Variants in LMNB2 observed in about 807,000 individuals in gnomAD.
LMNB2 encodes lamin-B2.
LMNB2 carries 17 observed loss-of-function variants against 69.3 expected under a neutral mutation model. That is an observed-to-expected ratio of 0.25 (90% CI 0.17 to 0.37). LMNB2 has a LOEUF of 0.37. Among genes scored for constraint, LMNB2 ranks in the 10% least tolerant of loss-of-function variants. The pLI is 1.00. For missense variants in LMNB2, 789 were observed against 883.6 expected (o/e 0.89, Z 1.36); for synonymous variants, 397 against 389.3 (o/e 1.02, Z -0.23).
In LMNB2 at chr19:2,453,612, C is replaced by T. The variant is rs993610603; in HGVS notation, c.264+3058G>A. On this transcript the variant is annotated intron_variant, in intron 1 of 11. Transcript: ENST00000325327. The surrounding 1 kb of genome is among the most constrained non-coding windows in gnomAD (Gnocchi z 4.4). ...GGCTCACGGAGGGGCCAGTGTGTCA[C>T]CTGCTAAATGGCTGCCTTCACTGGA... Among the ~76,000 whole-genome samples, 8 of 152,296 alleles carry T rather than the reference C, an allele frequency of 5.3e-5. No individual in the cohort carries two copies. The highest frequency in any genetic ancestry group is 2.1e-4 in the South Asian group (1 of 4,824).
intron 11 of LMNB2, 25 bp from the exon 12 acceptor site, chr19:2,430,977 C>T (rs372834607): frequency 1.1e-5 from 18 of 1,584,802 alleles, no homozygotes; most frequent in South Asian, 3.3e-5. Context: ...GAAGGAAGGT[C>T]GGCCATGATC....
chr19:2,447,492 G>A lies in LMNB2; in HGVS notation c.265-2952C>T, dbSNP rs1432721359. Reference sequence around the variant, plus strand: ...TGAACGTTCTAAAATTGGACACATTGGTGGTGGCACAGCTGTGGAGATATG... The same window carrying A: ...TGAACGTTCTAAAATTGGACACATTAGTGGTGGCACAGCTGTGGAGATATG... On this transcript the variant is annotated intron_variant, in intron 1 of 11. Coordinates refer to ENST00000325327, the MANE Select transcript of LMNB2 (RefSeq NM_032737.4). The surrounding 1 kb of genome is among the most constrained non-coding windows in gnomAD (Gnocchi z 4.4). Among the ~76,000 whole-genome samples, 1 of 152,208 alleles carries A rather than the reference G, an allele frequency of 6.6e-6. No individual in the cohort carries two copies. The highest frequency in any genetic ancestry group is 1.5e-5 in the Non-Finnish European group (1 of 68,028).
At chr19:2,431,036 CCACCA>C in intron 11 of LMNB2, 84 bp from the exon 12 acceptor site, 5 of 845,894 alleles carry the variant, frequency 5.9e-6, no homozygotes, top group Non-Finnish European at 8.2e-6. Flanking sequence ...CCCCACCTCC[CCACCA>C]GGGAGGGGCT....
At chr19:2,436,763 T>TCCCGCCACCACAGCCGCGCACCCACC (rs1971830640) in intron 4 of LMNB2, 2 of 149,678 alleles carry the variant, frequency 1.3e-5, no homozygotes, top group Admixed American at 6.8e-5. Flanking sequence ...ACGGCCGCCC[T>TCCCGCCACCACAGCCGCGCACCCACC]TCCGCCCCCA....
chr19:2,436,599 G>A (rs1362917247), intron 4 of LMNB2, among the ~76,000 whole-genome samples: 1 of 123,976 alleles, frequency 8.1e-6, no homozygotes, highest in East Asian at 2.4e-4. Flanking sequence ...CTCCACGGCC[G>A]CTCACCCACC....
In LMNB2 at chr19:2,430,895, G is replaced by A. The variant is rs752023759; in HGVS notation, c.*16C>T. On this transcript the variant is annotated 3_prime_UTR_variant, in exon 12 of 12. Transcript: ENST00000325327. ...GGCTCTGGGTAAAGAAAGGTGTGTG[G>A]ATGAGGAGTGTGGGTTCACATCACG... 3.9e-6 allele frequency: 6 copies of A among 1,531,632 alleles called. No individual in the cohort carries two copies. The highest frequency in any genetic ancestry group is 4.5e-6 in the Non-Finnish European group (5 of 1,104,812). The allele number at this position is 1,531,632 out of a possible 1,614,324, so 94.9% of individuals were successfully genotyped here.
Position 2,453,157 on chromosome 19 carries a change from C to T in LMNB2, c.264+3513G>A, listed in dbSNP as rs941687421. Among the ~76,000 whole-genome samples the T allele has an allele frequency of 6.6e-6, 1 of 152,100 alleles. No homozygotes were observed. The highest frequency in any genetic ancestry group is 2.4e-5 in the African/African-American group (1 of 41,418). On this transcript the variant is annotated intron_variant, in intron 1 of 11. Coordinates refer to ENST00000325327, the MANE Select transcript of LMNB2 (RefSeq NM_032737.4). The surrounding 1 kb of genome is among the most constrained non-coding windows in gnomAD (Gnocchi z 4.4). ...GGCGCTGAGCAGTACCCAGCCTCCA[C>T]CCACGCTGTGCCGATGCCGTCTCCC...
intron 1 of LMNB2, among the ~76,000 whole-genome samples, chr19:2,454,984 G>C (rs1172240069): frequency 6.6e-6 from 1 of 151,858 alleles, no homozygotes; most frequent in African/African-American, 2.4e-5. Context: ...ACTTTCCACC[G>C]GACCCAAGAT....
At chr19:2,448,441 C>T (rs143110771) in intron 1 of LMNB2, among the ~76,000 whole-genome samples, 2 of 152,144 alleles carry the variant, frequency 1.3e-5, no homozygotes, top group Admixed American at 1.3e-4. Context: ...AGATCAGCGC[C>T]GGGACACACA....
rs1213447486 is a variant in LMNB2 at position 2,447,138 on chromosome 19, A to G, written c.265-2598T>C. Among the ~76,000 whole-genome samples the G allele has an allele frequency of 6.6e-6, 1 of 152,056 alleles. No homozygotes were observed. Among genetic ancestry groups the G allele is most frequent in the African/African-American group, 2.4e-5 (1 of 41,374 alleles). On this transcript the variant is annotated intron_variant, in intron 1 of 11. Transcript: ENST00000325327. The surrounding 1 kb of genome is among the most constrained non-coding windows in gnomAD (Gnocchi z 4.4). ...CAGCCTGGGAGACAGAGCGAGACTCAGTTTCAAAATAAATAAATAAATAAA... is the reference window on the plus strand; with the variant it reads ...CAGCCTGGGAGACAGAGCGAGACTCGGTTTCAAAATAAATAAATAAATAAA...
chr19:2,438,602 CGT>C, intron 2 of LMNB2, 71 bp from the exon 3 acceptor site: 1 of 1,552,816 alleles, frequency 6.4e-7, no homozygotes, highest in Non-Finnish European at 8.8e-7. Flanking sequence ...CCTCAGGGGG[CGT>C]CAGGCAAGCC....
chr19:2,436,304 T>C (rs536958845), intron 4 of LMNB2, among the ~76,000 whole-genome samples: 3 of 152,038 alleles, frequency 2.0e-5, no homozygotes, highest in South Asian at 4.2e-4. Context: ...ATTAGCTGGG[T>C]GTGGTGCTGT....
chr19:2,434,077 G>A lies in LMNB2; in HGVS notation c.1231C>T (p.Arg411Cys), dbSNP rs563283912. 4.6e-5 allele frequency: 73 copies of A among 1,593,364 alleles called. 2 individuals carry two copies. The South Asian group carries it at 7.1e-4, about 15-fold the overall frequency. Reference sequence around the variant, plus strand: ...GAGGTGGCTCGTGAGACGGTGACGCGCGAGGATGGGCTGGGGGACAGCTTC... The same window carrying A: ...GAGGTGGCTCGTGAGACGGTGACGCACGAGGATGGGCTGGGGGACAGCTTC... ...RLKLSPSPSS[R>C]VTVSRATSSS... The change falls in exon 8 of 12, where the codon CGC (arginine) becomes TGC (cysteine). Residue 411 changes from arginine to cysteine, a missense_variant. Transcript: ENST00000325327.
intron 1 of LMNB2, among the ~76,000 whole-genome samples, chr19:2,446,548 C>T (rs1407805526): frequency 6.6e-6 from 1 of 152,220 alleles, no homozygotes; most frequent in Admixed American, 6.5e-5. Context: ...TTCCTGCCTC[C>T]CCTCCTCCCA....
At chr19:2,450,861 AC>A (rs1972014011) in intron 1 of LMNB2, among the ~76,000 whole-genome samples, 2 of 149,060 alleles carry the variant, frequency 1.3e-5, no homozygotes, top group Non-Finnish European at 3.0e-5. Context: ...CAATCTCCTG[AC>A]CTCGTGATCC....
intron 1 of LMNB2, among the ~76,000 whole-genome samples, chr19:2,450,776 C>A (rs62119876): frequency 0.15 from 22,563 of 151,718 alleles, 1,811 homozygotes; most frequent in Middle Eastern, 0.19. Flanking sequence ...GGACTATAGC[C>A]GTGCACCACC....
rs1972047213 is a variant in LMNB2, at chr19:2,453,090, G to T, written c.264+3580C>A. Among the ~76,000 whole-genome samples the T allele has an allele frequency of 2.0e-5, 3 of 151,738 alleles. No individual in the cohort carries two copies. The highest frequency in any genetic ancestry group is 7.3e-5 in the African/African-American group (3 of 41,246). ...CATGGGGCTGGGTCATCCTCGTGAG[G>T]GCTGCGTCATCCTCGTGGGGGCCAG... On this transcript the variant is annotated intron_variant, in intron 1 of 11. Coordinates refer to ENST00000325327, the MANE Select transcript of LMNB2 (RefSeq NM_032737.4). This position sits in a 1 kb window ranked among gnomAD's most constrained non-coding sequence, Gnocchi z 4.4.
At position 2,429,617 on chromosome 19, in the gene LMNB2, T is replaced by C. The variant is rs190368272; in HGVS notation, c.*1294A>G. 4 of 152,318 alleles carry C rather than the reference T, an allele frequency of 2.6e-5. No individual in the cohort carries two copies. The highest frequency in any genetic ancestry group is 5.9e-5 in the Non-Finnish European group (4 of 68,050). 9.4% of individuals were successfully genotyped at this position (152,318 alleles called of 1,614,324 possible). On this transcript the variant is annotated 3_prime_UTR_variant, in exon 12 of 12. Coordinates refer to ENST00000325327, the MANE Select transcript of LMNB2 (RefSeq NM_032737.4). ...ATGGCCCGGAGACGGCGCGTGCCCA[T>C]GGCTCAGTTTTGGTGTCTTTAAGAC...
intron 1 of LMNB2, among the ~76,000 whole-genome samples, chr19:2,454,274 C>T (rs187267772): frequency 4.5e-5 from 6 of 134,048 alleles, no homozygotes; most frequent in Admixed American, 2.6e-4. Flanking sequence ...GCCTGGACGA[C>T]GGAGCGAGAC....
Sources: gnomAD v4.1 joint callset for allele counts (sites outside exome capture counted in the v4.1 genomes callset) on GRCh38, gnomAD v4.1.1 for gene constraint, Gnocchi (gnomAD v3.1) non-coding constraint, MANE v1.5 for transcripts, NCBI Gene and HGNC (gene_info 2026-07-23, HGNC 2026-07-21) for gene names.